Variants in TMEM131L observed in about 807,000 individuals in gnomAD.
TMEM131L encodes the protein transmembrane 131 like.
Under a neutral mutation model 192.2 loss-of-function variants are expected in TMEM131L, and 54 were observed. The observed-to-expected ratio is 0.28, with a 90% CI of 0.23 to 0.35. TMEM131L has a LOEUF of 0.35. Ranked by LOEUF, TMEM131L falls within the 10% of genes least tolerant of loss-of-function variation. TMEM131L has a pLI of 1.00. For synonymous variants in TMEM131L, 701 were observed against 704.9 expected (o/e 0.99, Z 0.09); for missense variants, 1,888 against 1,972.9 (o/e 0.96, Z 0.82).
intron 3 of TMEM131L, among the ~76,000 whole-genome samples, chr4:153,533,502 TATTC>T (rs1736076598): frequency 6.6e-6 from 1 of 152,230 alleles, no homozygotes; most frequent in African/African-American, 2.4e-5. Flanking sequence ...ATTACAGATC[TATTC>T]ATTCAAGCAG....
chr4:153,518,878 T>C (rs1734918428), intron 3 of TMEM131L, among the ~76,000 whole-genome samples: 1 of 152,150 alleles, frequency 6.6e-6, no homozygotes, highest in African/African-American at 2.4e-5. Flanking sequence ...GCCTGCCCTT[T>C]TCTGTTTACT....
rs531620464 is a variant in TMEM131L, at chr4:153,504,266, C to CTTTTTT, written c.239+30404_239+30409dup. Among the ~76,000 whole-genome samples, 117 of 42,636 alleles carry CTTTTTT rather than the reference C, an allele frequency of 2.7e-3. 12 individuals carry two copies. The highest frequency in any genetic ancestry group is 4.3e-3 in the South Asian group (5 of 1,152). 28.0% of individuals were successfully genotyped at this position (42,636 alleles called of 152,430 possible). A position where few individuals can be genotyped will look rare whatever the true frequency, so the allele number is the denominator to read the frequency against. ...ACGGGCGTGAGCCACCGCGGTCGGC[C>CTTTTTT]TTTTTTTTTTTTTTTTTTTTTTTTT... On this transcript the variant is annotated intron_variant, in intron 3 of 34. Coordinates refer to ENST00000409959, the MANE Select transcript of TMEM131L (RefSeq NM_001131007.2).
At chr4:153,502,828 G>C (rs1580085840) in intron 3 of TMEM131L, among the ~76,000 whole-genome samples, 1 of 152,140 alleles carries the variant, frequency 6.6e-6, no homozygotes, top group African/African-American at 2.4e-5. Context: ...TATAACTCTT[G>C]ATTGTCACTC....
chr4:153,621,568 C>A, intron 27 of TMEM131L, 115 bp from the exon 28 acceptor site: 1 of 973,292 alleles, frequency 1.0e-6, no homozygotes, highest in Non-Finnish European at 1.5e-6. Context: ...GAGAGGAGGA[C>A]TCCTATTGTC....
rs534384021 is a variant in TMEM131L at position 153,581,262 on chromosome 4, A to C, written c.739-145A>C. ...GAGTGAGACTCCGTCTCAAAATAAAATAAAATAAAATAAAACACAAAACAG... is the reference window on the plus strand; with the variant it reads ...GAGTGAGACTCCGTCTCAAAATAAACTAAAATAAAATAAAACACAAAACAG... On this transcript the variant is annotated intron_variant, in intron 8 of 34. Transcript: ENST00000409959. The C allele has an allele frequency of 7.0e-4, 444 of 635,896 alleles. 1 individual carries two copies. In the African/African-American group the frequency reaches 8.0e-3, roughly 11 times the overall value. 39.4% of individuals were successfully genotyped at this position (635,896 alleles called of 1,614,324 possible). A position where few individuals can be genotyped will look rare whatever the true frequency, so the allele number is the denominator to read the frequency against.
chr4:153,612,514 G>T (rs911366896), intron 26 of TMEM131L, 114 bp downstream of exon 26: 2 of 787,774 alleles, frequency 2.5e-6, no homozygotes, highest in Non-Finnish European at 1.9e-6. Context: ...TTAATAACTG[G>T]TGAGTTTGAT....
In TMEM131L at chr4:153,544,982, T is replaced by G. The variant is rs560997441; in HGVS notation, c.240-5091T>G. On this transcript the variant is annotated intron_variant, in intron 3 of 34. Coordinates refer to ENST00000409959, the MANE Select transcript of TMEM131L (RefSeq NM_001131007.2). Reference sequence around the variant, plus strand: ...GCTTTGTCTTTGAAATGACGTGTTTTGGTTGGATAACATTTGTGAACAGCT... The same window carrying G: ...GCTTTGTCTTTGAAATGACGTGTTTGGGTTGGATAACATTTGTGAACAGCT... Among the ~76,000 whole-genome samples, 6 of 152,350 alleles carry G rather than the reference T, an allele frequency of 3.9e-5. No homozygotes were observed. In the East Asian group the frequency reaches 1.2e-3, roughly 29 times the overall value.
rs568948577 is a variant in TMEM131L, at chr4:153,467,184, G to T, written c.125-27G>T. ...CGTTTCTTTAGCGTGCATTAAAAAC[G>T]TGGTGTATTTTTTGGTGTTCCTGCA... On this transcript the variant is annotated intron_variant, in intron 1 of 34. Transcript: ENST00000409959. 3.8e-5 allele frequency: 59 copies of T among 1,550,158 alleles called. No homozygotes were observed. The South Asian group carries it at 6.3e-4, about 17-fold the overall frequency.
Position 153,620,870 on chromosome 4 carries a change from C to A in TMEM131L, c.3682C>A (p.Pro1228Thr). The change falls in exon 27 of 35, where the codon CCA becomes ACA. Residue 1228 changes from proline (P) to threonine (T), a missense_variant. By Grantham distance (38) the Pro-to-Thr change is conservative (BLOSUM62 -1). Transcript: ENST00000409959. ...AAAGAACAAGAAAAGGGGTGTTGCTCCAGTCTCAAGGTGCGTAATTCTTAC... is the reference window on the plus strand; with the variant it reads ...AAAGAACAAGAAAAGGGGTGTTGCTACAGTCTCAAGGTGCGTAATTCTTAC... ...CRKNKKRGVA[P>T]VSRPPEQSDL... 1.3e-6 allele frequency: 2 copies of A among 1,593,712 alleles called. No individual in the cohort carries two copies. Among genetic ancestry groups the A allele is most frequent in the Non-Finnish European group, 1.7e-6 (2 of 1,173,530 alleles).
chr4:153,581,293 T>A (rs1730320141), intron 8 of TMEM131L, 114 bp from the exon 9 acceptor site: 1 of 764,902 alleles, frequency 1.3e-6, no homozygotes, highest in African/African-American at 1.8e-5. Context: ...AACAGCATAT[T>A]CTGTTCTCAC....
chr4:153,582,806 G>T (rs1000353363), intron 9 of TMEM131L, among the ~76,000 whole-genome samples: 3 of 152,106 alleles, frequency 2.0e-5, no homozygotes, highest in African/African-American at 7.2e-5. Context: ...CTTTCCAAAT[G>T]TGGTTATCCA....
chr4:153,582,581 G>C (rs1227171739), intron 9 of TMEM131L, among the ~76,000 whole-genome samples: 1 of 151,500 alleles, frequency 6.6e-6, no homozygotes, highest in African/African-American at 2.4e-5. Flanking sequence ...GCCCTGCTTT[G>C]GCAGTCTTAA....
At chr4:153,601,006 A>T (rs1731801453) in intron 21 of TMEM131L, among the ~76,000 whole-genome samples, 1 of 151,640 alleles carries the variant, frequency 6.6e-6, no homozygotes, top group Non-Finnish European at 1.5e-5. Flanking sequence ...GCTACTTGGG[A>T]GGCTGAGGCA....
At chr4:153,545,028 A>T (rs899997752) in intron 3 of TMEM131L, among the ~76,000 whole-genome samples, 1 of 152,010 alleles carries the variant, frequency 6.6e-6, no homozygotes. Context: ...GTTACAGCCA[A>T]CTCATTTCCA....
intron 7 of TMEM131L, among the ~76,000 whole-genome samples, chr4:153,563,378 T>C (rs748208015): frequency 2.0e-5 from 3 of 151,370 alleles, no homozygotes; most frequent in Non-Finnish European, 4.4e-5. Context: ...TCTCAGAAGG[T>C]AACTGATCTT....
chr4:153,526,128 AT>A (rs1044939189), intron 3 of TMEM131L, among the ~76,000 whole-genome samples: 1 of 152,058 alleles, frequency 6.6e-6, no homozygotes, highest in Non-Finnish European at 1.5e-5. Flanking sequence ...AAGTACTGGG[AT>A]TACAGGCGTG....
intron 3 of TMEM131L, among the ~76,000 whole-genome samples, chr4:153,534,948 G>C (rs892608428): frequency 2.0e-5 from 3 of 152,244 alleles, no homozygotes; most frequent in Non-Finnish European, 2.9e-5. Context: ...CACAGGGAGA[G>C]CACAGCGTGA....
At chr4:153,597,666 C>G (rs1026996357) in intron 20 of TMEM131L, among the ~76,000 whole-genome samples, 1 of 152,090 alleles carries the variant, frequency 6.6e-6, no homozygotes, top group Non-Finnish European at 1.5e-5. Flanking sequence ...GGTGTAGTGG[C>G]TTATGCCTGG....
intron 2 of TMEM131L, among the ~76,000 whole-genome samples, chr4:153,470,300 C>G (rs1259552413): frequency 6.6e-6 from 1 of 152,086 alleles, no homozygotes; most frequent in Non-Finnish European, 1.5e-5. Context: ...TGTAGCTTAC[C>G]TAATATTTTA....
Sources: gnomAD v4.1 joint callset for allele counts (sites outside exome capture counted in the v4.1 genomes callset) on GRCh38, gnomAD v4.1.1 for gene constraint, MANE v1.5 for transcripts, NCBI Gene and HGNC (gene_info 2026-07-23, HGNC 2026-07-21) for gene names.